The following MYRIP variants were observed in gnomAD, a reference collection of about 807,000 sequenced individuals.
MYRIP encodes the protein myosin VIIA and Rab interacting protein.
In MYRIP, 49 loss-of-function variants were observed where a neutral mutation model predicts 98.0. That is an observed-to-expected ratio of 0.50 (90% CI 0.40 to 0.63). MYRIP has a LOEUF of 0.63. MYRIP is among the 30% of genes least tolerant of loss of function. MYRIP has a pLI of 0.00. For synonymous variants in MYRIP, 404 were observed against 409.5 expected (o/e 0.99, Z 0.16); for missense variants, 1,004 against 1,058.2 (o/e 0.95, Z 0.71).
chr3:40,088,630 C>G (rs1296680966), intron 3 of MYRIP, among the ~76,000 whole-genome samples: 1 of 152,160 alleles, frequency 6.6e-6, no homozygotes, highest in Non-Finnish European at 1.5e-5. Context: ...AGTGCTGGTG[C>G]TGGGAGGTCA....
At chr3:39,960,697 T>G (rs890144895) in intron 2 of MYRIP, among the ~76,000 whole-genome samples, 5 of 152,178 alleles carry the variant, frequency 3.3e-5, no homozygotes, top group African/African-American at 7.2e-5. Context: ...AAGTTACAAC[T>G]TTAAAGAATT....
intron 1 of MYRIP, among the ~76,000 whole-genome samples, chr3:39,895,961 GC>G (rs1943601072): frequency 6.6e-6 from 1 of 152,012 alleles, no homozygotes; most frequent in African/African-American, 2.4e-5. Context: ...GCATATACAT[GC>G]CTATGTATCT....
chr3:40,172,955 C>CA (rs1404062097), intron 8 of MYRIP, among the ~76,000 whole-genome samples: 1 of 152,190 alleles, frequency 6.6e-6, no homozygotes, highest in Non-Finnish European at 1.5e-5. Flanking sequence ...CCTCACCCCC[C>CA]AGAAACAGAC....
chr3:39,834,793 A>G (rs757987038), intron 1 of MYRIP, among the ~76,000 whole-genome samples: 27 of 152,270 alleles, frequency 1.8e-4, no homozygotes, highest in Middle Eastern at 3.4e-3. Flanking sequence ...TATAATTTAT[A>G]TTATACATTC....
At chr3:40,241,556 C>T (rs1025322362) in intron 12 of MYRIP, among the ~76,000 whole-genome samples, 1 of 152,162 alleles carries the variant, frequency 6.6e-6, no homozygotes, top group Non-Finnish European at 1.5e-5. Context: ...AATTGAGATA[C>T]ATATTAGTAC....
intron 3 of MYRIP, among the ~76,000 whole-genome samples, chr3:40,149,331 A>C (rs1213080479): frequency 6.6e-6 from 1 of 152,240 alleles, no homozygotes; most frequent in Admixed American, 6.5e-5. Context: ...ACTCATTACC[A>C]CAGGAAGGAC....
intron 4 of MYRIP, among the ~76,000 whole-genome samples, chr3:40,152,539 G>C (rs1216636735): frequency 2.0e-5 from 3 of 152,184 alleles, no homozygotes; most frequent in Admixed American, 2.0e-4. Context: ...GCAGGGCTTT[G>C]AAATTTACAA....
intron 2 of MYRIP, among the ~76,000 whole-genome samples, chr3:40,018,095 C>T (rs971021170): frequency 1.3e-5 from 2 of 152,156 alleles, no homozygotes; most frequent in East Asian, 3.8e-4. Flanking sequence ...ATTAGTGTTG[C>T]CTGTCCCTCT....
chr3:39,913,160 T>C (rs1333041490), intron 2 of MYRIP, among the ~76,000 whole-genome samples: 1 of 151,910 alleles, frequency 6.6e-6, no homozygotes, highest in African/African-American at 2.4e-5. Context: ...GAGTCATGCC[T>C]CAGGGATACA....
At chr3:40,057,807 T>C (rs1447560905) in intron 3 of MYRIP, among the ~76,000 whole-genome samples, 1 of 152,198 alleles carries the variant, frequency 6.6e-6, no homozygotes, top group Non-Finnish European at 1.5e-5. Context: ...ATGCATTAAG[T>C]TCATGTGCTC....
intron 1 of MYRIP, among the ~76,000 whole-genome samples, chr3:39,895,941 G>A (rs1559513584): frequency 6.6e-6 from 1 of 151,900 alleles, no homozygotes; most frequent in Non-Finnish European, 1.5e-5. Context: ...GTGTGTGCGC[G>A]TGCACGTACG....
intron 11 of MYRIP, among the ~76,000 whole-genome samples, chr3:40,210,501 T>A (rs990820826): frequency 6.6e-6 from 1 of 152,194 alleles, no homozygotes; most frequent in Admixed American, 6.5e-5. Flanking sequence ...CCTCTTTTAA[T>A]CAGTGATGAA....
chr3:40,227,580 GC>G (rs1952524687), intron 11 of MYRIP, among the ~76,000 whole-genome samples: 1 of 151,978 alleles, frequency 6.6e-6, no homozygotes, highest in African/African-American at 2.4e-5. Context: ...TTATTATTTG[GC>G]AAAAGAAAAA....
chr3:40,086,478 G>A (rs538102934), intron 3 of MYRIP, among the ~76,000 whole-genome samples: 1 of 152,196 alleles, frequency 6.6e-6, no homozygotes, highest in Non-Finnish European at 1.5e-5. Flanking sequence ...AGGAGGGGCC[G>A]TAACTCAGCC....
chr3:39,868,781 C>T (rs906330506), intron 1 of MYRIP, among the ~76,000 whole-genome samples: 17 of 152,126 alleles, frequency 1.1e-4, no homozygotes, highest in Admixed American at 1.1e-3. Context: ...ACCTCCTTTA[C>T]GGAGCTCTCA....
chr3:40,196,200 TTCATTAA>T (rs1261025270), intron 10 of MYRIP, among the ~76,000 whole-genome samples: 1 of 152,040 alleles, frequency 6.6e-6, no homozygotes, highest in African/African-American at 2.4e-5. Flanking sequence ...GTTACTTTCA[TTCATTAA>T]TCCCAGGGAT....
At chr3:39,977,290 G>A (rs1945781765) in intron 2 of MYRIP, among the ~76,000 whole-genome samples, 1 of 152,060 alleles carries the variant, frequency 6.6e-6, no homozygotes, top group Non-Finnish European at 1.5e-5. Context: ...AAGTCTTCAG[G>A]CCAGGCTCAG....
intron 3 of MYRIP, among the ~76,000 whole-genome samples, chr3:40,117,247 G>A (rs1949302270): frequency 6.6e-6 from 1 of 152,192 alleles, no homozygotes; most frequent in Non-Finnish European, 1.5e-5. Context: ...GTAAAAGCAG[G>A]ATAGGAGTAG....
Position 40,258,624 on chromosome 3 carries a change from C to T in MYRIP, c.*458C>T, listed in dbSNP as rs540726976. The T allele has an allele frequency of 6.1e-6, 1 of 165,238 alleles. No homozygotes were observed. The highest frequency in any genetic ancestry group is 5.7e-5 in the Admixed American group (1 of 17,458). The allele number at this position is 165,238 out of a possible 1,614,324, so 10.2% of individuals were successfully genotyped here. On this transcript the variant is annotated 3_prime_UTR_variant, in exon 17 of 17. Coordinates refer to ENST00000302541, the MANE Select transcript of MYRIP (RefSeq NM_015460.4). The stretch of plus-strand genomic sequence containing the variant: ...ACATCATTAATGCTTATTAATCTCT[C>T]ACAAGCATCTTTGTCTTGCAAATCC...
Sources: allele counts gnomAD v4.1 joint callset (sites outside exome capture counted in the v4.1 genomes callset), GRCh38; gene constraint gnomAD v4.1.1; transcripts MANE v1.5; gene names NCBI Gene and HGNC (gene_info 2026-07-23, HGNC 2026-07-21).